Variants in ANKHD1 observed in about 807,000 individuals in gnomAD.
ANKHD1 encodes the protein ankyrin repeat and KH domain containing 1, also known as ankyrin repeat and KH domain-containing protein 1.
A neutral mutation model predicts 230.5 loss-of-function variants in ANKHD1; 31 were observed. The ratio of observed to expected loss-of-function variants is 0.13; its 90% CI spans 0.10 to 0.18. The LOEUF (loss-of-function observed/expected upper bound fraction) is 0.18, where lower values mean the gene tolerates loss of function less well. Ranked by LOEUF, ANKHD1 falls within the 10% of genes least tolerant of loss-of-function variation. ANKHD1 has a pLI of 1.00. For missense variants in ANKHD1, 2,256 were observed against 3,071.3 expected (o/e 0.73, Z 6.27); for synonymous variants, 1,074 against 1,117.6 (o/e 0.96, Z 0.78).
intron 6 of ANKHD1, among the ~76,000 whole-genome samples, chr5:140,447,765 G>A (rs1774405819): frequency 1.3e-5 from 2 of 152,192 alleles, no homozygotes; most frequent in South Asian, 4.1e-4. Context: ...CAAGATGATA[G>A]CTAGGACCCC....
intron 2 of ANKHD1, among the ~76,000 whole-genome samples, chr5:140,436,556 G>A (rs1773458769): frequency 6.6e-6 from 1 of 152,028 alleles, no homozygotes; most frequent in South Asian, 2.1e-4. Context: ...ACCAACCTGG[G>A]CAACATGATG....
intron 15 of ANKHD1, among the ~76,000 whole-genome samples, chr5:140,502,462 T>C (rs926655634): frequency 6.6e-6 from 1 of 152,196 alleles, no homozygotes; most frequent in Admixed American, 6.5e-5. Flanking sequence ...AAGTTTCTTA[T>C]CACATTCTGG....
chr5:140,513,650 A>C (rs1156493583), intron 24 of ANKHD1, among the ~76,000 whole-genome samples, 171 bp downstream of exon 24: 2 of 152,050 alleles, frequency 1.3e-5, no homozygotes, highest in African/African-American at 4.8e-5. Flanking sequence ...CTCTACTAAA[A>C]ATACAAAAAT....
chr5:140,419,784 T>TTCTTTC (rs772397260), intron 1 of ANKHD1, among the ~76,000 whole-genome samples: 30 of 68,604 alleles, frequency 4.4e-4, no homozygotes, highest in Admixed American at 1.0e-3. Flanking sequence ...TTTTCTTTCT[T>TTCTTTC]TCTTTCTTTC....
chr5:140,439,983 A>C, intron 3 of ANKHD1, 136 bp from the exon 4 acceptor site: 1 of 1,111,378 alleles, frequency 9.0e-7, no homozygotes, highest in Non-Finnish European at 1.2e-6. Flanking sequence ...ATGCTCAGCA[A>C]GTAATATGTT....
chr5:140,442,209 T>C (rs1773910255), intron 5 of ANKHD1, among the ~76,000 whole-genome samples: 1 of 151,662 alleles, frequency 6.6e-6, no homozygotes, highest in African/African-American at 2.4e-5. Context: ...CCGGCTAATT[T>C]TTTGTACTTT....
At chr5:140,469,118 C>A (rs1038719713) in intron 10 of ANKHD1, among the ~76,000 whole-genome samples, 4 of 151,876 alleles carry the variant, frequency 2.6e-5, no homozygotes, top group African/African-American at 9.7e-5. Context: ...TCCCTTCTCT[C>A]CTTCTCTCCC....
chr5:140,482,014 A>G (rs1197581694), intron 10 of ANKHD1, among the ~76,000 whole-genome samples: 6 of 152,042 alleles, frequency 3.9e-5, no homozygotes, highest in Non-Finnish European at 8.8e-5. Context: ...CCTAGAAAGA[A>G]CAATCTTTCT....
At chr5:140,452,271 C>T (rs1280108296) in intron 7 of ANKHD1, among the ~76,000 whole-genome samples, 1 of 152,240 alleles carries the variant, frequency 6.6e-6, no homozygotes, top group Non-Finnish European at 1.5e-5. Flanking sequence ...GCCTACCTGT[C>T]TCTGTAGACT....
intron 24 of ANKHD1, among the ~76,000 whole-genome samples, chr5:140,516,140 G>A (rs1420300168): frequency 6.6e-6 from 1 of 152,154 alleles, no homozygotes; most frequent in East Asian, 1.9e-4. Flanking sequence ...CGAGAACTAC[G>A]TGAAGAATGC....
chr5:140,511,474 A>T lies in ANKHD1; in HGVS notation c.4104+1293A>T, dbSNP rs1334474670. Reference sequence around the variant, plus strand: ...TTTTACATGTCAGTTCTCAAAGAGTATTTCTCTAACACCAAATCTGAAAAA... The same window carrying T: ...TTTTACATGTCAGTTCTCAAAGAGTTTTTCTCTAACACCAAATCTGAAAAA... On this transcript the variant is annotated intron_variant, in intron 22 of 33. Transcript: ENST00000360839. Among the ~76,000 whole-genome samples, 3 of 152,266 alleles carry T rather than the reference A, an allele frequency of 2.0e-5. No individual in the cohort carries two copies. The East Asian group carries it at 5.8e-4, about 29-fold the overall frequency.
At position 140,485,570 on chromosome 5, in the gene ANKHD1, C is replaced by T. The variant is rs1751470368; in HGVS notation, c.1999-19C>T. The T allele has an allele frequency of 6.2e-7, 1 of 1,610,936 alleles. No homozygotes were observed. The highest frequency in any genetic ancestry group is 1.3e-5 in the African/African-American group (1 of 74,572). ...TAAGAAACTATAAAGAATTAATTAT[C>T]ATGGCAATTCTTTTTCAGGATGGTT... is the stretch of plus-strand genomic sequence containing the variant. On this transcript the variant is annotated intron_variant, in intron 12 of 33. Coordinates refer to ENST00000360839, the MANE Select transcript of ANKHD1 (RefSeq NM_017747.3). This position sits in a 1 kb window ranked among gnomAD's most constrained non-coding sequence, Gnocchi z 4.8.
intron 1 of ANKHD1, among the ~76,000 whole-genome samples, chr5:140,425,168 C>A (rs1051381600): frequency 6.6e-6 from 1 of 152,154 alleles, no homozygotes; most frequent in African/African-American, 2.4e-5. Context: ...TTTTCTTCAG[C>A]TTTAACTTAG....
At chr5:140,460,601 A>T (rs796302420) in intron 9 of ANKHD1, among the ~76,000 whole-genome samples, 21 of 152,164 alleles carry the variant, frequency 1.4e-4, no homozygotes, top group Admixed American at 3.9e-4. Context: ...TTCCACTGCA[A>T]CCTCAACCTC....
At chr5:140,425,015 G>A (rs559303709) in intron 1 of ANKHD1, among the ~76,000 whole-genome samples, 2 of 152,262 alleles carry the variant, frequency 1.3e-5, no homozygotes, top group East Asian at 1.9e-4. Flanking sequence ...AGCCTATTAT[G>A]TTTTTAAAGG....
At chr5:140,483,300 T>C (rs1311551587) in intron 11 of ANKHD1, among the ~76,000 whole-genome samples, 3 of 152,140 alleles carry the variant, frequency 2.0e-5, no homozygotes, top group South Asian at 2.1e-4. Flanking sequence ...TCAGAAATAC[T>C]GTGGCATATA....
At chr5:140,517,043 C>A (rs1163251069) in intron 24 of ANKHD1, among the ~76,000 whole-genome samples, 2 of 148,232 alleles carry the variant, frequency 1.3e-5, no homozygotes, top group Non-Finnish European at 3.0e-5. Flanking sequence ...TTCAGGAAAC[C>A]CATCTCACGT....
chr5:140,451,533 G>A (rs1418194997), intron 7 of ANKHD1, among the ~76,000 whole-genome samples: 1 of 152,028 alleles, frequency 6.6e-6, no homozygotes, highest in Non-Finnish European at 1.5e-5. Flanking sequence ...TTGTTTTTGA[G>A]ACAGGGTCTC....
At position 140,520,371 on chromosome 5, in the gene ANKHD1, C is replaced by T. The variant is rs1247568827; in HGVS notation, c.4318-3695C>T. ...TCAACCATTGTGGAAGTCAGTGTGG[C>T]GATTCCTCAGGGATCTAGAACTAGA... is the stretch of plus-strand genomic sequence containing the variant. On this transcript the variant is annotated intron_variant, in intron 24 of 33. Coordinates refer to ENST00000360839, the MANE Select transcript of ANKHD1 (RefSeq NM_017747.3). Among the ~76,000 whole-genome samples, 9 of 152,052 alleles carry T rather than the reference C, an allele frequency of 5.9e-5. No homozygotes were observed. The East Asian group carries it at 1.4e-3, about 23-fold the overall frequency.
Sources: allele counts gnomAD v4.1 joint callset (sites outside exome capture counted in the v4.1 genomes callset), GRCh38; gene constraint gnomAD v4.1.1; non-coding constraint Gnocchi (gnomAD v3.1); transcripts MANE v1.5; gene names NCBI Gene and HGNC (gene_info 2026-07-23, HGNC 2026-07-21).